RORA: variants seen among roughly 807,000 people sequenced by gnomAD.
RORA encodes nuclear receptor ROR-alpha.
Under a neutral mutation model 69.5 loss-of-function variants are expected in RORA, and 7 were observed. That is an observed-to-expected ratio of 0.10 (90% confidence interval 0.06 to 0.19). The LOEUF (loss-of-function observed/expected upper bound fraction) is 0.19, where lower values mean the gene tolerates loss of function less well. Ranked by LOEUF, RORA falls within the 10% of genes least tolerant of loss-of-function variation. The pLI is 1.00. For missense variants in RORA, 457 were observed against 663.0 expected (o/e 0.69, Z 3.41); for synonymous variants, 261 against 240.8 (o/e 1.08, Z -0.78).
At chr15:60,793,293 A>G (rs1357773498) in intron 1 of RORA, among the ~76,000 whole-genome samples, 1 of 152,220 alleles carries the variant, frequency 6.6e-6, no homozygotes, top group African/African-American at 2.4e-5. Flanking sequence ...ATGATCAGAC[A>G]AACTCATAAA....
At chr15:60,536,728 G>A (rs1050879687) in intron 2 of RORA, among the ~76,000 whole-genome samples, 25 of 152,350 alleles carry the variant, frequency 1.6e-4, no homozygotes, top group African/African-American at 5.8e-4. Context: ...GCCAGGAAAC[G>A]GCCAATGGCC....
At chr15:60,588,913 T>C (rs542705037) in intron 2 of RORA, among the ~76,000 whole-genome samples, 1 of 152,220 alleles carries the variant, frequency 6.6e-6, no homozygotes, top group East Asian at 1.9e-4. Context: ...CCCATGAAAA[T>C]GGTGCTTTTA....
At chr15:60,821,692 T>C (rs905473192) in intron 1 of RORA, among the ~76,000 whole-genome samples, 1 of 152,232 alleles carries the variant, frequency 6.6e-6, no homozygotes, top group Non-Finnish European at 1.5e-5. Flanking sequence ...ATGGTACTGA[T>C]AAAAACATTT....
At chr15:60,904,534 G>A (rs1891478958) in intron 1 of RORA, among the ~76,000 whole-genome samples, 1 of 152,222 alleles carries the variant, frequency 6.6e-6, no homozygotes, top group African/African-American at 2.4e-5. Flanking sequence ...GGGAGATGCT[G>A]AAATGGGTGA....
rs1349455844 is a variant in RORA at position 60,534,044 on chromosome 15, A to G, written c.197-2193T>C. Among the ~76,000 whole-genome samples, 1 of 152,246 alleles carries G rather than the reference A, an allele frequency of 6.6e-6. No individual in the cohort carries two copies. The highest frequency in any genetic ancestry group is 2.4e-5 in the African/African-American group (1 of 41,464). The stretch of plus-strand genomic sequence containing the variant: ...AGAATATGAAGGCCCTGGGCAGGGC[A>G]TATTGAGAACAATGAGTAGAACTGC... On this transcript the variant is annotated intron_variant, in intron 2 of 10. Transcript: ENST00000335670. The surrounding 1 kb of genome is among the most constrained non-coding windows in gnomAD (Gnocchi z 5.0).
intron 1 of RORA, among the ~76,000 whole-genome samples, chr15:61,114,068 A>T (rs1596000163): frequency 1.3e-5 from 2 of 152,358 alleles, no homozygotes; most frequent in East Asian, 3.9e-4. Flanking sequence ...GAAAACAGAA[A>T]TGTCACTCCG....
intron 1 of RORA, among the ~76,000 whole-genome samples, chr15:60,725,719 G>C (rs1483487339): frequency 6.6e-6 from 1 of 152,134 alleles, no homozygotes; most frequent in Non-Finnish European, 1.5e-5. Context: ...AGATCATTGT[G>C]ACTTGTGCCT....
intron 1 of RORA, among the ~76,000 whole-genome samples, chr15:61,184,367 T>C (rs1173077218): frequency 3.3e-5 from 5 of 152,012 alleles, no homozygotes; most frequent in South Asian, 2.1e-4. Flanking sequence ...CATTACATCA[T>C]CTCCTCCAGG....
At chr15:60,687,626 T>C (rs1437636703) in intron 1 of RORA, among the ~76,000 whole-genome samples, 1 of 152,202 alleles carries the variant, frequency 6.6e-6, no homozygotes, top group East Asian at 1.9e-4. Flanking sequence ...TGGTGGCGCA[T>C]GCCTGAAGTC....
At chr15:61,003,507 A>G (rs1877370914) in intron 1 of RORA, among the ~76,000 whole-genome samples, 1 of 152,176 alleles carries the variant, frequency 6.6e-6, no homozygotes, top group Admixed American at 6.5e-5. Flanking sequence ...AGGCCCACTC[A>G]AGGATTCCAG....
chr15:61,160,748 T>C (rs921104521), intron 1 of RORA, among the ~76,000 whole-genome samples: 4 of 152,094 alleles, frequency 2.6e-5, no homozygotes, highest in Non-Finnish European at 5.9e-5. Context: ...GATGGAGAAT[T>C]CTCTGGGAAA....
intron 1 of RORA, among the ~76,000 whole-genome samples, chr15:61,068,168 G>C (rs1480049539): frequency 2.0e-5 from 3 of 152,148 alleles, no homozygotes; most frequent in African/African-American, 7.2e-5. Context: ...TTTTCCATAG[G>C]TTTGGTTCAT....
chr15:60,739,582 A>T (rs115232567), intron 1 of RORA, among the ~76,000 whole-genome samples: 3,163 of 151,894 alleles, frequency 0.021, 124 homozygotes, highest in African/African-American at 0.073. Flanking sequence ...AAAAAAAAAA[A>T]GTTTTTTTTA....
At chr15:61,072,414 A>G (rs2078380683) in intron 1 of RORA, among the ~76,000 whole-genome samples, 1 of 152,216 alleles carries the variant, frequency 6.6e-6, no homozygotes, top group Non-Finnish European at 1.5e-5. Flanking sequence ...AACTATTCAC[A>G]TTTCCATATT....
chr15:60,961,508 G>A lies in RORA; in HGVS notation c.166+267545C>T, dbSNP rs865876073. Among the ~76,000 whole-genome samples the A allele has an allele frequency of 4.2e-4, 64 of 152,310 alleles. 1 individual carries two copies. Among genetic ancestry groups the A allele is most frequent in the South Asian group, 1.9e-3 (9 of 4,830 alleles). On this transcript the variant is annotated intron_variant, in intron 1 of 10. Coordinates refer to ENST00000335670, the MANE Select transcript of RORA (RefSeq NM_134261.3). ...GACAGAGACTTAAAAGTCAAGTGCC[G>A]ATAATATGAAGTAACCACACTTGTG... is the stretch of plus-strand genomic sequence containing the variant.
At chr15:60,610,191 G>A (rs907146396) in intron 2 of RORA, among the ~76,000 whole-genome samples, 6 of 107,466 alleles carry the variant, frequency 5.6e-5, no homozygotes, top group East Asian at 3.7e-4. Context: ...CTAAAGTGTC[G>A]TGTAAGTCAC....
intron 2 of RORA, among the ~76,000 whole-genome samples, chr15:60,612,561 C>T (rs1211973339): frequency 6.6e-6 from 1 of 151,896 alleles, no homozygotes; most frequent in Non-Finnish European, 1.5e-5. Context: ...ACCCAGCAGA[C>T]TGGCATTCTC....
At position 61,164,345 on chromosome 15, in the gene RORA, G is replaced by A. The variant is rs565753058; in HGVS notation, c.166+64708C>T. Among the ~76,000 whole-genome samples, 4 of 152,268 alleles carry A rather than the reference G, an allele frequency of 2.6e-5. No individual in the cohort carries two copies. In the South Asian group the frequency reaches 8.3e-4, roughly 32 times the overall value. ...ATGTGGTAAGACCACTCTACTCCAG[G>A]CTTATTAGAAAGATTGGGAGTGAAG... is the stretch of plus-strand genomic sequence containing the variant. On this transcript the variant is annotated intron_variant, in intron 1 of 10. Transcript: ENST00000335670.
intron 2 of RORA, among the ~76,000 whole-genome samples, chr15:60,631,748 C>G (rs74017251): frequency 6.6e-6 from 1 of 152,218 alleles, no homozygotes; most frequent in African/African-American, 2.4e-5. Flanking sequence ...CTCACAGGCT[C>G]CTGGCTTACC....
Sources: gnomAD v4.1 joint callset for allele counts (sites outside exome capture counted in the v4.1 genomes callset) on GRCh38, gnomAD v4.1.1 for gene constraint, Gnocchi (gnomAD v3.1) non-coding constraint, MANE v1.5 for transcripts, NCBI Gene and HGNC (gene_info 2026-07-23, HGNC 2026-07-21) for gene names.